The following SRGAP2 variants were observed in gnomAD, a reference collection of about 807,000 sequenced individuals.
SRGAP2 encodes the protein SLIT-ROBO Rho GTPase-activating protein 2.
A neutral mutation model predicts 57.2 loss-of-function variants in SRGAP2; 15 were observed. That is an observed-to-expected ratio of 0.26 (90% CI 0.18 to 0.40). SRGAP2 has a LOEUF of 0.40. Among genes scored for constraint, SRGAP2 ranks in the 10% least tolerant of loss-of-function variants. SRGAP2 has a pLI of 1.00. For missense variants in SRGAP2, 520 were observed against 669.6 expected (o/e 0.78, Z 2.47); for synonymous variants, 249 against 248.0 (o/e 1.00, Z -0.04).
intron 3 of SRGAP2, among the ~76,000 whole-genome samples, chr1:206,325,215 A>G (rs1673787285): frequency 6.6e-6 from 1 of 152,064 alleles, no homozygotes; most frequent in African/African-American, 2.4e-5. Context: ...TTGATCATGA[A>G]TCTCTATATT....
intron 17 of SRGAP2, among the ~76,000 whole-genome samples, chr1:206,440,781 G>A (rs782121796): frequency 2.6e-5 from 4 of 152,182 alleles, no homozygotes; most frequent in African/African-American, 4.8e-5. Context: ...TCTTGACCTC[G>A]TGATGTGCCC....
At chr1:206,252,138 A>G (rs1419482017) in intron 2 of SRGAP2, among the ~76,000 whole-genome samples, 1 of 106,408 alleles carries the variant, frequency 9.4e-6, no homozygotes, top group Non-Finnish European at 1.9e-5. Context: ...GAATGCCCTG[A>G]TCCTTAGAGG....
In SRGAP2 at chr1:206,458,890, G is replaced by A. The variant is rs782120331; in HGVS notation, c.2775G>A (p.Ala925=). 18 of 779,958 alleles carry A rather than the reference G, an allele frequency of 2.3e-5. No individual in the cohort carries two copies. Among genetic ancestry groups the A allele is most frequent in the African/African-American group, 3.4e-5 (2 of 59,104 alleles). The allele number at this position is 779,958 out of a possible 1,614,324, so 48.3% of individuals were successfully genotyped here. The change falls in exon 22 of 23, where the codon GCG becomes GCA. Residue 925 remains alanine (A), a synonymous_variant. Coordinates refer to ENST00000573034, the MANE Select transcript of SRGAP2 (RefSeq NM_015326.5). ...CACAGATCCGGAAGACTGCCACAGCGGGAAGGTCAAAAAGCTTCAATAACC... is the reference window on the plus strand; with the variant it reads ...CACAGATCCGGAAGACTGCCACAGCAGGAAGGTCAAAAAGCTTCAATAACC... The part of the protein sequence containing the change: ...DSPQIRKTAT[A]GRSKSFNNHR...
chr1:206,319,520 C>A (rs78089885), intron 3 of SRGAP2, among the ~76,000 whole-genome samples: 54,058 of 138,962 alleles, frequency 0.39, 6,454 homozygotes, highest in East Asian at 0.54. Context: ...GCACACATAC[C>A]GAGTTTCCAG....
intron 14 of SRGAP2, among the ~76,000 whole-genome samples, chr1:206,434,829 A>G (rs1661584788): frequency 6.6e-6 from 1 of 152,196 alleles, no homozygotes; most frequent in African/African-American, 2.4e-5. Flanking sequence ...TTGGTGTCCT[A>G]ACCTACCAAA....
intron 2 of SRGAP2, among the ~76,000 whole-genome samples, chr1:206,211,033 G>A (rs1666282225): frequency 6.6e-6 from 1 of 152,120 alleles, no homozygotes; most frequent in South Asian, 2.1e-4. Context: ...GGAGCCAGGG[G>A]ATGCAGTGTA....
chr1:206,366,803 G>T lies in SRGAP2; in HGVS notation c.424-17211G>T, dbSNP rs1476735321. Among the ~76,000 whole-genome samples the T allele has an allele frequency of 4.7e-5, 7 of 148,366 alleles. No homozygotes were observed. In the East Asian group the frequency reaches 7.9e-4, roughly 17 times the overall value. On this transcript the variant is annotated intron_variant, in intron 4 of 22. Transcript: ENST00000573034. The stretch of plus-strand genomic sequence containing the variant: ...AAGATTGTTGCCTGAACTCTGTAGG[G>T]CAAGAATGAGAAGCAGTGCCCCCAA...
At chr1:206,302,629 G>T (rs1361689709) in intron 2 of SRGAP2, among the ~76,000 whole-genome samples, 2 of 152,226 alleles carry the variant, frequency 1.3e-5, no homozygotes, top group African/African-American at 4.8e-5. Context: ...GACAGTGAAT[G>T]GTTTGCCTGC....
chr1:206,359,796 C>CCCTTTTTTTTTTTTTTTTTTTTTTT (rs1558345475), intron 4 of SRGAP2, among the ~76,000 whole-genome samples: 2 of 103,664 alleles, frequency 1.9e-5, no homozygotes, highest in African/African-American at 9.5e-5. Context: ...AGGGATATTG[C>CCCTTTTTTTTTTTTTTTTTTTTTTT]TCTTTTTTTT....
At chr1:206,459,027 G>A in intron 22 of SRGAP2, 80 bp downstream of exon 22, 1 of 638,584 alleles carries the variant, frequency 1.6e-6, no homozygotes, top group Non-Finnish European at 2.9e-6. Flanking sequence ...ATTATGACAG[G>A]ACTTGAAACA....
At chr1:206,427,565 A>G (rs1367053197) in intron 13 of SRGAP2, among the ~76,000 whole-genome samples, 2 of 152,060 alleles carry the variant, frequency 1.3e-5, no homozygotes, top group Non-Finnish European at 2.9e-5. Flanking sequence ...TCTCAGCCTG[A>G]CTTTTTTGTG....
At chr1:206,413,469 G>A (rs1659395105) in intron 10 of SRGAP2, among the ~76,000 whole-genome samples, 1 of 152,208 alleles carries the variant, frequency 6.6e-6, no homozygotes, top group South Asian at 2.1e-4. Flanking sequence ...CTCTTTCCTT[G>A]CAGAAGTTCT....
chr1:206,370,699 A>G (rs1181976795), intron 4 of SRGAP2, among the ~76,000 whole-genome samples: 2 of 152,214 alleles, frequency 1.3e-5, no homozygotes, highest in East Asian at 3.8e-4. Context: ...CAAATATACT[A>G]ATAGCCACTG....
At chr1:206,414,987 T>G (rs1052691792) in intron 10 of SRGAP2, among the ~76,000 whole-genome samples, 3 of 152,266 alleles carry the variant, frequency 2.0e-5, no homozygotes, top group African/African-American at 7.2e-5. Flanking sequence ...GCACATGCTG[T>G]ATTGTCAAAC....
At chr1:206,443,139 CCT>C (rs1368738020) in intron 17 of SRGAP2, among the ~76,000 whole-genome samples, 1 of 152,192 alleles carries the variant, frequency 6.6e-6, no homozygotes, top group Admixed American at 6.5e-5. Flanking sequence ...CCCCAAAAAG[CCT>C]CTGTTCCTAA....
chr1:206,344,095 C>T (rs1200004109), intron 4 of SRGAP2, among the ~76,000 whole-genome samples: 1 of 152,056 alleles, frequency 6.6e-6, no homozygotes, highest in Admixed American at 6.6e-5. Flanking sequence ...GATCAGCTTT[C>T]CAGTTCTCAG....
chr1:206,420,188 C>T (rs1207731377), intron 12 of SRGAP2, among the ~76,000 whole-genome samples: 1 of 152,190 alleles, frequency 6.6e-6, no homozygotes, highest in Non-Finnish European at 1.5e-5. Flanking sequence ...TGCCAAAACA[C>T]ATAATAATTA....
chr1:206,395,690 G>A (rs200668517), intron 7 of SRGAP2, among the ~76,000 whole-genome samples: 3 of 151,114 alleles, frequency 2.0e-5, no homozygotes, highest in Admixed American at 6.6e-5. Flanking sequence ...CTTTTTCACC[G>A]AAATACTGAT....
intron 22 of SRGAP2, among the ~76,000 whole-genome samples, chr1:206,459,274 T>C (rs1179921341): frequency 2.0e-5 from 3 of 152,194 alleles, no homozygotes; most frequent in Admixed American, 6.5e-5. Context: ...AAGACCTTGG[T>C]AGACTTTAGT....
Sources: gnomAD v4.1 joint callset for allele counts (sites outside exome capture counted in the v4.1 genomes callset) on GRCh38, gnomAD v4.1.1 for gene constraint, MANE v1.5 for transcripts, NCBI Gene and HGNC (gene_info 2026-07-23, HGNC 2026-07-21) for gene names.